SRGAP1: variants seen among roughly 807,000 people sequenced by gnomAD.
The protein encoded by SRGAP1 is SLIT-ROBO Rho GTPase activating protein 1.
A neutral mutation model predicts 121.9 loss-of-function variants in SRGAP1; 43 were observed. The observed-to-expected ratio is 0.35, with a 90% CI of 0.28 to 0.46. SRGAP1 has a LOEUF of 0.46. Ranked by LOEUF, SRGAP1 falls within the 20% of genes least tolerant of loss-of-function variation. SRGAP1 has a pLI of 1.00. For missense variants in SRGAP1, 1,102 were observed against 1,350.9 expected, an observed-to-expected ratio of 0.82 and a Z score of 2.89; for synonymous variants, 447 against 485.4, an observed-to-expected ratio of 0.92 and a Z score of 1.04.
At chr12:64,054,042 G>A (rs1365573065) in intron 6 of SRGAP1, among the ~76,000 whole-genome samples, 5 of 152,054 alleles carry the variant, frequency 3.3e-5, no homozygotes, top group Non-Finnish European at 7.4e-5. Flanking sequence ...CCTTCAAAAT[G>A]TATTCAGAGA....
chr12:64,134,135 G>GT (rs991741501), intron 21 of SRGAP1, among the ~76,000 whole-genome samples: 1 of 152,134 alleles, frequency 6.6e-6, no homozygotes, highest in African/African-American at 2.4e-5. Context: ...AAAGATGCAA[G>GT]TGCTGGCCAA....
chr12:63,893,431 A>G (rs1900652179), intron 1 of SRGAP1, among the ~76,000 whole-genome samples: 1 of 152,236 alleles, frequency 6.6e-6, no homozygotes, highest in East Asian at 1.9e-4. Flanking sequence ...TAACTCTGCA[A>G]GGTGGCAAGG....
intron 1 of SRGAP1, among the ~76,000 whole-genome samples, chr12:63,859,315 A>G (rs962550109): frequency 2.0e-5 from 3 of 152,052 alleles, no homozygotes; most frequent in Non-Finnish European, 4.4e-5. Flanking sequence ...ATGCACCACC[A>G]TGCCTGGCTC....
At chr12:64,062,443 T>G (rs1357411365) in intron 6 of SRGAP1, among the ~76,000 whole-genome samples, 1 of 152,246 alleles carries the variant, frequency 6.6e-6, no homozygotes, top group Non-Finnish European at 1.5e-5. Flanking sequence ...TATAAGTACC[T>G]AATAAGATAC....
intron 8 of SRGAP1, among the ~76,000 whole-genome samples, chr12:64,067,823 C>G (rs1178209451): frequency 6.6e-6 from 1 of 151,212 alleles, no homozygotes; most frequent in African/African-American, 2.4e-5. Context: ...TGGTTCAGTA[C>G]AATAAATACT....
At chr12:63,904,816 T>A (rs568916890) in intron 1 of SRGAP1, among the ~76,000 whole-genome samples, 1 of 152,270 alleles carries the variant, frequency 6.6e-6, no homozygotes, top group South Asian at 2.1e-4. Context: ...ATGCCTCTGG[T>A]CCTAGCTATT....
intron 1 of SRGAP1, among the ~76,000 whole-genome samples, chr12:63,845,188 G>A (rs548485915): frequency 6.6e-6 from 1 of 152,320 alleles, no homozygotes; most frequent in South Asian, 2.1e-4. Context: ...GTGGGAAGCA[G>A]GCAGCAGTGG....
intron 4 of SRGAP1, chr12:64,032,710 A>G: frequency 3.4e-6 from 1 of 291,858 alleles, no homozygotes; most frequent in East Asian, 5.4e-5. Context: ...ATTCTGCCTC[A>G]TGTTTCTTCA....
Position 64,148,765 on chromosome 12 carries a change from G to T in SRGAP1, c.*6093G>T, listed in dbSNP as rs1013447351. On this transcript the variant is annotated 3_prime_UTR_variant, in exon 22 of 22. Coordinates refer to ENST00000355086, the MANE Select transcript of SRGAP1 (RefSeq NM_020762.4). ...TAAAGTGCAGAATACTAACAAAAGT[G>T]TGCAAATCATTAGTGTAACAGTTCT... is the stretch of plus-strand genomic sequence containing the variant. The T allele has an allele frequency of 2.6e-5, 4 of 152,206 alleles. No individual in the cohort carries two copies. The highest frequency in any genetic ancestry group is 5.9e-5 in the Non-Finnish European group (4 of 68,042). 9.4% of individuals were successfully genotyped at this position (152,206 alleles called of 1,614,324 possible).
At chr12:63,991,535 C>A (rs909040934) in intron 3 of SRGAP1, among the ~76,000 whole-genome samples, 9 of 152,136 alleles carry the variant, frequency 5.9e-5, no homozygotes, top group Admixed American at 5.9e-4. Context: ...ATATCCTATG[C>A]GTCTTAAATA....
intron 17 of SRGAP1, 47 bp from the exon 18 acceptor site, chr12:64,115,767 T>A: frequency 6.5e-7 from 1 of 1,537,248 alleles, no homozygotes; most frequent in Non-Finnish European, 8.9e-7. Context: ...TCTCAAAAAA[T>A]TTTTGTCTAT....
At chr12:64,129,770 C>T (rs181053186) in intron 21 of SRGAP1, among the ~76,000 whole-genome samples, 3 of 152,282 alleles carry the variant, frequency 2.0e-5, no homozygotes, top group Non-Finnish European at 4.4e-5. Context: ...AATCTTATGT[C>T]ACATGCTAAA....
At chr12:64,135,420 G>A (rs1317592744) in intron 21 of SRGAP1, among the ~76,000 whole-genome samples, 1 of 152,134 alleles carries the variant, frequency 6.6e-6, no homozygotes, top group Non-Finnish European at 1.5e-5. Context: ...TTCAGTATCT[G>A]CTTCTGAAGC....
intron 3 of SRGAP1, among the ~76,000 whole-genome samples, chr12:63,996,161 G>T (rs1245684605): frequency 1.3e-5 from 2 of 151,532 alleles, no homozygotes; most frequent in Non-Finnish European, 2.9e-5. Context: ...AATATAAAAA[G>T]AAATAATAAT....
chr12:64,119,770 C>CTTTT (rs997729181), intron 18 of SRGAP1, among the ~76,000 whole-genome samples: 4 of 107,432 alleles, frequency 3.7e-5, no homozygotes, highest in Non-Finnish European at 4.0e-5. Flanking sequence ...TTATTTGTTT[C>CTTTT]TTTTTTTTTT....
At chr12:63,859,656 A>C (rs1377354283) in intron 1 of SRGAP1, among the ~76,000 whole-genome samples, 1 of 152,194 alleles carries the variant, frequency 6.6e-6, no homozygotes, top group Non-Finnish European at 1.5e-5. Context: ...ATTTTCTATA[A>C]TATAAACGCT....
chr12:64,027,467 A>T (rs369752364), intron 4 of SRGAP1, among the ~76,000 whole-genome samples: 2 of 152,254 alleles, frequency 1.3e-5, no homozygotes, highest in East Asian at 3.9e-4. Context: ...GAGGATAGCC[A>T]GGATTTCAAT....
At chr12:63,915,611 C>T (rs1026314710) in intron 1 of SRGAP1, among the ~76,000 whole-genome samples, 4 of 152,154 alleles carry the variant, frequency 2.6e-5, no homozygotes, top group Admixed American at 6.5e-5. Context: ...GTGATCATAG[C>T]AACCATCTCC....
At chr12:63,914,812 C>T (rs1373664142) in intron 1 of SRGAP1, among the ~76,000 whole-genome samples, 1 of 151,786 alleles carries the variant, frequency 6.6e-6, no homozygotes, top group Non-Finnish European at 1.5e-5. Flanking sequence ...AAATATGTTC[C>T]CTATTCAGCT....
Sources: gnomAD v4.1 joint callset for allele counts (sites outside exome capture counted in the v4.1 genomes callset) on GRCh38, gnomAD v4.1.1 for gene constraint, MANE v1.5 for transcripts, NCBI Gene and HGNC (gene_info 2026-07-23, HGNC 2026-07-21) for gene names.